Variants in GABRG3 observed in about 807,000 individuals in gnomAD.
The protein encoded by GABRG3 is gamma-aminobutyric acid receptor subunit gamma-3.
Under a neutral mutation model 48.8 loss-of-function variants are expected in GABRG3, and 25 were observed. That is an observed-to-expected ratio of 0.51 (90% CI 0.37 to 0.72). GABRG3 has a LOEUF of 0.72. Ranked by LOEUF, GABRG3 falls within the 30% of genes least tolerant of loss-of-function variation. The pLI, the probability that GABRG3 is intolerant of heterozygous loss-of-function variation, is 0.00. For synonymous variants in GABRG3, 227 were observed against 217.6 expected, an observed-to-expected ratio of 1.04 and a Z score of -0.38; for missense variants, 394 against 577.9, an observed-to-expected ratio of 0.68 and a Z score of 3.26.
At chr15:27,097,643 G>T (rs148823524) in intron 3 of GABRG3, among the ~76,000 whole-genome samples, 183 of 152,066 alleles carry the variant, frequency 1.2e-3, no homozygotes, top group African/African-American at 4.0e-3. Flanking sequence ...TAACTGGTGC[G>T]ATTCTGTCTC....
At chr15:27,018,855 C>A (rs527922551) in intron 2 of GABRG3, among the ~76,000 whole-genome samples, 2 of 152,006 alleles carry the variant, frequency 1.3e-5, no homozygotes, top group South Asian at 2.1e-4. Flanking sequence ...CCACTTAGTC[C>A]CCATAATAGT....
chr15:27,182,127 T>C (rs1197025282), intron 3 of GABRG3, among the ~76,000 whole-genome samples: 1 of 152,082 alleles, frequency 6.6e-6, no homozygotes, highest in Non-Finnish European at 1.5e-5. Context: ...CCAGTACAAA[T>C]GCAGATTCCA....
At chr15:27,036,447 C>T (rs1595485735) in intron 3 of GABRG3, among the ~76,000 whole-genome samples, 2 of 152,172 alleles carry the variant, frequency 1.3e-5, no homozygotes, top group African/African-American at 4.8e-5. Flanking sequence ...AATCCCAGGA[C>T]TTGGGAAGCT....
intron 3 of GABRG3, among the ~76,000 whole-genome samples, chr15:27,066,196 A>G (rs1345436875): frequency 6.6e-6 from 1 of 152,240 alleles, no homozygotes; most frequent in African/African-American, 2.4e-5. Flanking sequence ...TGATAGAGCT[A>G]ATAGTACTTA....
chr15:27,104,936 A>T (rs1897424327), intron 3 of GABRG3, among the ~76,000 whole-genome samples: 1 of 152,242 alleles, frequency 6.6e-6, no homozygotes, highest in Non-Finnish European at 1.5e-5. Context: ...AATCACTTTA[A>T]GTCTAAATAA....
intron 2 of GABRG3, among the ~76,000 whole-genome samples, chr15:27,004,121 G>A (rs1319416115): frequency 6.6e-6 from 1 of 150,842 alleles, no homozygotes; most frequent in Admixed American, 6.6e-5. Context: ...TGGCCGGGCG[G>A]GGGGCTGACC....
intron 3 of GABRG3, among the ~76,000 whole-genome samples, chr15:27,079,301 A>AG (rs1896956224): frequency 3.3e-5 from 5 of 152,348 alleles, no homozygotes; most frequent in African/African-American, 1.2e-4. Flanking sequence ...AGTGCCAAAA[A>AG]AAAGGCAAAT....
intron 3 of GABRG3, among the ~76,000 whole-genome samples, chr15:27,032,996 C>T (rs1352581499): frequency 7.6e-6 from 1 of 131,876 alleles, no homozygotes; most frequent in Admixed American, 8.0e-5. Flanking sequence ...AAAATACAGC[C>T]CTTCTTTTTA....
chr15:27,360,404 A>C (rs893285146), intron 5 of GABRG3, among the ~76,000 whole-genome samples: 4 of 152,168 alleles, frequency 2.6e-5, no homozygotes, highest in Non-Finnish European at 5.9e-5. Context: ...TCTGGGAGTT[A>C]TGGAGCCCTG....
At chr15:27,435,272 C>T (rs1267275699) in intron 5 of GABRG3, among the ~76,000 whole-genome samples, 2 of 150,572 alleles carry the variant, frequency 1.3e-5, no homozygotes, top group Non-Finnish European at 3.0e-5. Context: ...TTATTTTTCC[C>T]TCTAGCAGAG....
chr15:27,445,554 T>C (rs746418932), intron 5 of GABRG3, among the ~76,000 whole-genome samples: 1 of 152,228 alleles, frequency 6.6e-6, no homozygotes, highest in South Asian at 2.1e-4. Context: ...TACTAAGTTG[T>C]AGTGGTTTAA....
chr15:27,195,201 C>A (rs148457142), intron 3 of GABRG3, among the ~76,000 whole-genome samples: 1 of 152,160 alleles, frequency 6.6e-6, no homozygotes, highest in African/African-American at 2.4e-5. Flanking sequence ...AATCCTTGTC[C>A]GACAATTTCA....
intron 6 of GABRG3, chr15:27,481,364 T>C (rs1309734387): frequency 5.7e-6 from 4 of 698,206 alleles, no homozygotes; most frequent in Non-Finnish European, 7.0e-6. Context: ...TTGTTTTGCT[T>C]TTTGTCTTAT....
At chr15:27,320,823 AAT>A (rs918863339) in intron 3 of GABRG3, among the ~76,000 whole-genome samples, 2 of 152,166 alleles carry the variant, frequency 1.3e-5, no homozygotes, top group Admixed American at 6.5e-5. Flanking sequence ...ATTAGAAACA[AAT>A]ATTGATTTTT....
chr15:27,387,930 GGGAGGGAA>G lies in GABRG3; in HGVS notation c.574+59051_574+59058del, dbSNP rs1251601458. Among the ~76,000 whole-genome samples the G allele has an allele frequency of 9.5e-5, 6 of 63,492 alleles. No individual in the cohort carries two copies. The South Asian group carries it at 2.7e-3, about 29-fold the overall frequency. 41.7% of individuals were successfully genotyped at this position (63,492 alleles called of 152,430 possible). A position where few individuals can be genotyped will look rare whatever the true frequency, so the allele number is the denominator to read the frequency against. On this transcript the variant is annotated intron_variant, in intron 5 of 9. Transcript: ENST00000615808. ...AGGGAAGGAGGGAAGGAGGGAGGGA[GGGAGGGAA>G]GGAGGGAAAGAGGGAGGGAGGGGAA...
chr15:27,306,362 CATAT>C lies in GABRG3; in HGVS notation c.271-20441_271-20438del, dbSNP rs199594366. On this transcript the variant is annotated intron_variant, in intron 3 of 9. Coordinates refer to ENST00000615808, the MANE Select transcript of GABRG3 (RefSeq NM_033223.5). ...AAATATAAACATGTCTACATATAAA[CATAT>C]ATATAATATAAACATGTCTACATGT... is the stretch of plus-strand genomic sequence containing the variant. Among the ~76,000 whole-genome samples, 128 of 135,978 alleles carry C rather than the reference CATAT, an allele frequency of 9.4e-4. 1 individual carries two copies. The highest frequency in any genetic ancestry group is 2.2e-3 in the African/African-American group (80 of 36,754). The allele number at this position is 135,978 out of a possible 152,430, so 89.2% of individuals were successfully genotyped here.
chr15:27,231,725 T>G (rs1163538438), intron 3 of GABRG3, among the ~76,000 whole-genome samples: 1 of 152,232 alleles, frequency 6.6e-6, no homozygotes, highest in Non-Finnish European at 1.5e-5. Context: ...CCTTTTTATT[T>G]ATTCATTTGT....
At chr15:27,177,264 T>G (rs1887777294) in intron 3 of GABRG3, among the ~76,000 whole-genome samples, 1 of 152,178 alleles carries the variant, frequency 6.6e-6, no homozygotes, top group Admixed American at 6.5e-5. Flanking sequence ...GTTGCCACAA[T>G]GCAAAAGTCT....
chr15:27,061,852 G>A (rs1034115358), intron 3 of GABRG3, among the ~76,000 whole-genome samples: 19 of 152,104 alleles, frequency 1.2e-4, no homozygotes, highest in African/African-American at 4.6e-4. Flanking sequence ...CTCCCGCCCC[G>A]TGTGGAAATC....
Sources: gnomAD v4.1 joint callset for allele counts (sites outside exome capture counted in the v4.1 genomes callset) on GRCh38, gnomAD v4.1.1 for gene constraint, MANE v1.5 for transcripts, NCBI Gene and HGNC (gene_info 2026-07-23, HGNC 2026-07-21) for gene names.